The following COL26A1 variants were observed in gnomAD, a reference collection of about 807,000 sequenced individuals.
The protein encoded by COL26A1 is collagen type XXVI alpha 1 chain, also known as collagen alpha-1(XXVI) chain.
COL26A1 carries 41 observed loss-of-function variants against 59.3 expected under a neutral mutation model. The ratio of observed to expected loss-of-function variants is 0.69; its 90% confidence interval spans 0.54 to 0.90. COL26A1 has a LOEUF of 0.90. COL26A1 is among the 40% of genes least tolerant of loss of function. The pLI, the probability that COL26A1 is intolerant of heterozygous loss-of-function variation, is 0.00. For missense variants in COL26A1, 612 were observed against 602.3 expected (o/e 1.02, Z -0.17); for synonymous variants, 266 against 256.0 (o/e 1.04, Z -0.37).
At chr7:101,491,720 C>T (rs908152644) in intron 3 of COL26A1, among the ~76,000 whole-genome samples, 4 of 152,136 alleles carry the variant, frequency 2.6e-5, no homozygotes, top group Non-Finnish European at 5.9e-5. Flanking sequence ...CCAGAGGTCA[C>T]TCTCATCGCC....
At chr7:101,365,392 C>T (rs1301934600) in intron 1 of COL26A1, among the ~76,000 whole-genome samples, 1 of 152,030 alleles carries the variant, frequency 6.6e-6, no homozygotes, top group African/African-American at 2.4e-5. Context: ...CCCATTTTCC[C>T]TCTGTCTGCT....
intron 1 of COL26A1, among the ~76,000 whole-genome samples, chr7:101,399,666 C>T (rs1321966733): frequency 1.3e-5 from 2 of 152,012 alleles, no homozygotes; most frequent in Admixed American, 6.6e-5. Context: ...ACCATGTTGC[C>T]CAGGCTGGTC....
At chr7:101,496,660 T>C (rs1007702035) in intron 3 of COL26A1, among the ~76,000 whole-genome samples, 1 of 152,018 alleles carries the variant, frequency 6.6e-6, no homozygotes, top group African/African-American at 2.4e-5. Context: ...CCAAGGCGGA[T>C]GGATCACTTG....
intron 3 of COL26A1, among the ~76,000 whole-genome samples, chr7:101,499,710 A>T (rs1767283558): frequency 6.6e-6 from 1 of 151,470 alleles, no homozygotes; most frequent in Admixed American, 6.6e-5. Context: ...ATAATATTAA[A>T]AAATAAAAAT....
intron 3 of COL26A1, among the ~76,000 whole-genome samples, chr7:101,464,036 G>A (rs1004181291): frequency 6.6e-6 from 1 of 150,962 alleles, no homozygotes; most frequent in Admixed American, 6.7e-5. Flanking sequence ...CACAATGATA[G>A]CTCACTGCAG....
intron 1 of COL26A1, 98 bp from the exon 2 acceptor site, chr7:101,419,879 G>T (rs73179295): frequency 0.024 from 33,650 of 1,384,424 alleles, 512 homozygotes; most frequent in Non-Finnish European, 0.028. Context: ...TCCACCCCAG[G>T]TTTGCGGGGG....
At chr7:101,406,118 C>T (rs1483432165) in intron 1 of COL26A1, among the ~76,000 whole-genome samples, 4 of 152,222 alleles carry the variant, frequency 2.6e-5, no homozygotes, top group African/African-American at 7.2e-5. Flanking sequence ...ACCATGTCAT[C>T]GCCTTTGTGT....
intron 1 of COL26A1, among the ~76,000 whole-genome samples, chr7:101,395,345 C>T (rs1791831598): frequency 6.6e-6 from 1 of 152,238 alleles, no homozygotes; most frequent in Non-Finnish European, 1.5e-5. Context: ...AGTCCTGAGT[C>T]TCCAGCTTTT....
intron 1 of COL26A1, among the ~76,000 whole-genome samples, chr7:101,394,869 CTTTTTTT>C (rs61005447): frequency 6.2e-5 from 6 of 97,018 alleles, no homozygotes; most frequent in Admixed American, 1.1e-4. Context: ...TTTTTCTTTT[CTTTTTTT>C]TTTTTTTTTT....
intron 3 of COL26A1, among the ~76,000 whole-genome samples, chr7:101,515,996 G>A (rs139035425): frequency 2.0e-5 from 3 of 152,294 alleles, no homozygotes; most frequent in East Asian, 1.9e-4. Flanking sequence ...GCTTTGTAAC[G>A]CATCGTGCCC....
intron 3 of COL26A1, among the ~76,000 whole-genome samples, chr7:101,513,980 A>T (rs2130592426): frequency 6.6e-6 from 1 of 152,280 alleles, no homozygotes; most frequent in South Asian, 2.1e-4. Flanking sequence ...GGGAAACAGA[A>T]ATGGCTCAAA....
At chr7:101,420,241 A>G in intron 2 of COL26A1, 142 bp downstream of exon 2, 1 of 931,594 alleles carries the variant, frequency 1.1e-6, no homozygotes, top group South Asian at 1.5e-5. Flanking sequence ...TTCTGTATAT[A>G]AGGCATGGGT....
intron 3 of COL26A1, among the ~76,000 whole-genome samples, chr7:101,455,544 C>G (rs898031959): frequency 1.4e-5 from 2 of 143,038 alleles, no homozygotes; most frequent in South Asian, 2.2e-4. Context: ...ACCTTGTAGC[C>G]CAGGCTGGAG....
chr7:101,392,145 T>G (rs185129325), intron 1 of COL26A1, among the ~76,000 whole-genome samples: 219 of 152,132 alleles, frequency 1.4e-3, no homozygotes, highest in Non-Finnish European at 1.2e-3. Context: ...GAGGGAGAAG[T>G]TGCTAGAGAT....
At position 101,468,971 on chromosome 7, in the gene COL26A1, C is replaced by T. The variant is rs187899469; in HGVS notation, c.385+21184C>T. ...GCCAAGTCACAGCCTCGCAGGGCCT[C>T]GGTTTTCTCATCTGTGAAATGGGGT... On this transcript the variant is annotated intron_variant, in intron 3 of 12. Transcript: ENST00000313669. Among the ~76,000 whole-genome samples the T allele has an allele frequency of 1.1e-4, 16 of 152,278 alleles. 1 individual carries two copies. Among genetic ancestry groups the T allele is most frequent in the African/African-American group, 3.8e-4 (16 of 41,560 alleles).
chr7:101,371,483 TGTAA>T (rs1791191233), intron 1 of COL26A1, among the ~76,000 whole-genome samples: 5 of 48,190 alleles, frequency 1.0e-4, no homozygotes, highest in Admixed American at 3.2e-4. Context: ...ACCCTGTCTC[TGTAA>T]AAAAAAAAAA....
chr7:101,540,052 G>T lies in COL26A1; in HGVS notation c.604+3G>T. 1 of 1,611,104 alleles carries T rather than the reference G, an allele frequency of 6.2e-7. No individual in the cohort carries two copies. On this transcript the variant is annotated splice_donor_region_variant and intron_variant, in intron 5 of 12. Transcript: ENST00000313669. ...GAGAAGGCCCACGGGCCCAGCCGGTGAGTGAGGGCTGCAGAGAGGACAGGC... is the reference window on the plus strand; with the variant it reads ...GAGAAGGCCCACGGGCCCAGCCGGTTAGTGAGGGCTGCAGAGAGGACAGGC...
rs906903048 is a variant in COL26A1 at position 101,375,910 on chromosome 7, C to T, written c.158+12720C>T. 8.1e-5 allele frequency among the ~76,000 whole-genome samples: 12 copies of T among 148,106 alleles called. No individual in the cohort carries two copies. The East Asian group carries it at 1.0e-3, about 12-fold the overall frequency. On this transcript the variant is annotated intron_variant, in intron 1 of 12. Transcript: ENST00000313669. ...CTGAGGCAGGAGAATGGCATGAACC[C>T]GGGAGGCGGTGCTTGCAGTGAGCCA...
At chr7:101,511,820 C>G (rs4521696) in intron 3 of COL26A1, among the ~76,000 whole-genome samples, 37,691 of 152,006 alleles carry the variant, frequency 0.25, 5,351 homozygotes, top group Non-Finnish European at 0.32. Flanking sequence ...TAGTAAGACT[C>G]CATCTCTACA....
Sources: allele counts gnomAD v4.1 joint callset (sites outside exome capture counted in the v4.1 genomes callset), GRCh38; gene constraint gnomAD v4.1.1; transcripts MANE v1.5; gene names NCBI Gene and HGNC (gene_info 2026-07-23, HGNC 2026-07-21).